The following GRID2 variants were observed in gnomAD, a reference collection of about 807,000 sequenced individuals.
GRID2 encodes glutamate ionotropic receptor delta type subunit 2, also known as glutamate receptor ionotropic, delta-2.
In GRID2, 33 loss-of-function variants were observed where a neutral mutation model predicts 114.8. That is an observed-to-expected ratio of 0.29 (90% CI 0.22 to 0.38). GRID2 has a LOEUF of 0.38. Among genes scored for constraint, GRID2 ranks in the 10% least tolerant of loss-of-function variants. The probability of loss-of-function intolerance (pLI) is 1.00; values close to 1 mark genes in which losing one functional copy is unlikely to be tolerated. For missense variants in GRID2, 1,184 were observed against 1,257.7 expected (o/e 0.94, Z 0.89); for synonymous variants, 505 against 449.9 (o/e 1.12, Z -1.55).
At chr4:93,577,870 T>C (rs1736573719) in intron 13 of GRID2, among the ~76,000 whole-genome samples, 1 of 152,222 alleles carries the variant, frequency 6.6e-6, no homozygotes, top group Admixed American at 6.5e-5. Context: ...TCAGGTCATA[T>C]TGTTTTCTGT....
chr4:93,268,356 G>C (rs1751081186), intron 8 of GRID2, among the ~76,000 whole-genome samples: 1 of 152,122 alleles, frequency 6.6e-6, no homozygotes, highest in South Asian at 2.1e-4. Context: ...CACCAATCCT[G>C]TTGATCGGAA....
At chr4:92,748,230 G>T (rs1489576514) in intron 2 of GRID2, among the ~76,000 whole-genome samples, 1 of 152,032 alleles carries the variant, frequency 6.6e-6, no homozygotes, top group East Asian at 1.9e-4. Context: ...TAACAGCTAA[G>T]GTAATTTGTT....
intron 8 of GRID2, among the ~76,000 whole-genome samples, chr4:93,277,868 G>A (rs1245629268): frequency 6.6e-6 from 1 of 151,840 alleles, no homozygotes; most frequent in African/African-American, 2.4e-5. Context: ...TGAACAGAGG[G>A]AACACGTATT....
intron 2 of GRID2, among the ~76,000 whole-genome samples, chr4:92,756,371 C>G (rs1351442156): frequency 6.6e-6 from 1 of 152,098 alleles, no homozygotes; most frequent in African/African-American, 2.4e-5. Flanking sequence ...GATTTCACAT[C>G]TTTGCTATTG....
At chr4:92,879,804 T>C (rs1023666358) in intron 2 of GRID2, among the ~76,000 whole-genome samples, 13 of 152,242 alleles carry the variant, frequency 8.5e-5, no homozygotes, top group Non-Finnish European at 1.6e-4. Flanking sequence ...CTATGTTAAT[T>C]TGTTCTACCT....
chr4:92,399,684 T>TAC lies in GRID2; in HGVS notation c.88+94942_88+94943dup, dbSNP rs1234346380. The stretch of plus-strand genomic sequence containing the variant: ...CTCTCTCTATATATATATATATATA[T>TAC]ACATACATGTGTGTTTGTGTGCATG... On this transcript the variant is annotated intron_variant, in intron 1 of 15. Coordinates refer to ENST00000282020, the MANE Select transcript of GRID2 (RefSeq NM_001510.4). Among the ~76,000 whole-genome samples, 645 of 148,980 alleles carry TAC rather than the reference T, an allele frequency of 4.3e-3. 3 individuals carry two copies. The highest frequency in any genetic ancestry group is 0.014 in the African/African-American group (566 of 40,626).
At chr4:93,561,438 G>A (rs4318619) in intron 13 of GRID2, among the ~76,000 whole-genome samples, 23,099 of 151,896 alleles carry the variant, frequency 0.15, 3,615 homozygotes, top group African/African-American at 0.41. Context: ...GAGATTTTCC[G>A]TATACCATTT....
At chr4:93,541,343 A>G (rs1248200361) in intron 13 of GRID2, among the ~76,000 whole-genome samples, 1 of 152,142 alleles carries the variant, frequency 6.6e-6, no homozygotes, top group Non-Finnish European at 1.5e-5. Context: ...ACACCCTACA[A>G]GACAGCTCTT....
At chr4:93,323,107 AG>A (rs1432628001) in intron 8 of GRID2, among the ~76,000 whole-genome samples, 1 of 152,164 alleles carries the variant, frequency 6.6e-6, no homozygotes, top group Non-Finnish European at 1.5e-5. Flanking sequence ...TGTTTTCGTC[AG>A]GAAGTCCTTG....
chr4:93,458,504 GC>G (rs1339131513), intron 11 of GRID2, among the ~76,000 whole-genome samples: 2 of 152,050 alleles, frequency 1.3e-5, no homozygotes, highest in Non-Finnish European at 2.9e-5. Flanking sequence ...CATGGTAGTT[GC>G]TTTCTCCACA....
intron 1 of GRID2, among the ~76,000 whole-genome samples, chr4:92,468,210 A>G (rs1366503609): frequency 6.6e-6 from 1 of 152,064 alleles, no homozygotes; most frequent in African/African-American, 2.4e-5. Flanking sequence ...TTATCATGTT[A>G]AAGGCTTTAG....
At chr4:92,697,351 C>A (rs1383045475) in intron 2 of GRID2, among the ~76,000 whole-genome samples, 1 of 152,048 alleles carries the variant, frequency 6.6e-6, no homozygotes, top group African/African-American at 2.4e-5. Flanking sequence ...TACAAAAGTA[C>A]AAGGGGTTAA....
rs1728494470 is a variant in GRID2, at chr4:93,505,021, T to G, written c.1998-10195T>G. On this transcript the variant is annotated intron_variant, in intron 12 of 15. Coordinates refer to ENST00000282020, the MANE Select transcript of GRID2 (RefSeq NM_001510.4). ...ATAGTGTTTTCTGTGAAACAGGAGA[T>G]TTTGGGGCTATGTACAAGTAAGGAC... is the stretch of plus-strand genomic sequence containing the variant. Among the ~76,000 whole-genome samples the G allele has an allele frequency of 2.0e-5, 3 of 152,028 alleles. No individual in the cohort carries two copies. In the South Asian group the frequency reaches 6.2e-4, roughly 32 times the overall value.
chr4:93,735,007 T>C (rs560275160), intron 14 of GRID2, among the ~76,000 whole-genome samples: 44 of 152,182 alleles, frequency 2.9e-4, no homozygotes, highest in African/African-American at 1.0e-3. Context: ...ATGTAACTTT[T>C]GGAAATATTA....
intron 14 of GRID2, among the ~76,000 whole-genome samples, chr4:93,678,130 G>A (rs940112448): frequency 2.0e-5 from 3 of 152,188 alleles, no homozygotes; most frequent in African/African-American, 7.2e-5. Flanking sequence ...CATGAAGAAT[G>A]TAGAAGCCTC....
rs564963018 is a variant in GRID2, at chr4:93,614,184, T to C, written c.2194-12085T>C. ...CCTGCTTCAGCTCGCGCACGGTGCG[T>C]GCACCCACTGGCCTGCGCCCACTGT... On this transcript the variant is annotated intron_variant, in intron 13 of 15. Transcript: ENST00000282020. 9.0e-4 allele frequency among the ~76,000 whole-genome samples: 137 copies of C among 152,278 alleles called. 2 individuals are homozygous for C. The highest frequency in any genetic ancestry group is 3.1e-3 in the African/African-American group (127 of 41,574).
At chr4:92,830,462 T>C (rs558254791) in intron 2 of GRID2, among the ~76,000 whole-genome samples, 136 of 152,304 alleles carry the variant, frequency 8.9e-4, no homozygotes, top group African/African-American at 2.7e-3. Context: ...CTTTGCTTTA[T>C]GTTCCAAGGC....
At chr4:92,806,998 A>G (rs1462352343) in intron 2 of GRID2, among the ~76,000 whole-genome samples, 1 of 151,974 alleles carries the variant, frequency 6.6e-6, no homozygotes, top group Non-Finnish European at 1.5e-5. Context: ...TTTAAAAGAA[A>G]TATGTCAATT....
At chr4:93,058,703 A>G (rs1727495443) in intron 2 of GRID2, among the ~76,000 whole-genome samples, 1 of 151,954 alleles carries the variant, frequency 6.6e-6, no homozygotes, top group Non-Finnish European at 1.5e-5. Context: ...TTACATACTG[A>G]ATTTTCTTAA....
Sources: gnomAD v4.1 joint callset for allele counts (sites outside exome capture counted in the v4.1 genomes callset) on GRCh38, gnomAD v4.1.1 for gene constraint, MANE v1.5 for transcripts, NCBI Gene and HGNC (gene_info 2026-07-23, HGNC 2026-07-21) for gene names.